The following GMPS variants were observed in gnomAD, a reference collection of about 807,000 sequenced individuals.
GMPS encodes guanosine monophosphate synthase.
A neutral mutation model predicts 77.9 loss-of-function variants in GMPS; 15 were observed. The ratio of observed to expected loss-of-function variants is 0.19; its 90% CI spans 0.13 to 0.30. GMPS has a LOEUF of 0.30. Among genes scored for constraint, GMPS ranks in the 10% least tolerant of loss-of-function variants. The pLI is 1.00. For synonymous variants in GMPS, 224 were observed against 275.9 expected (o/e 0.81, Z 1.86); for missense variants, 590 against 838.8 (o/e 0.70, Z 3.66).
chr3:155,900,458 C>A (rs1754709968), intron 3 of GMPS, among the ~76,000 whole-genome samples: 1 of 151,376 alleles, frequency 6.6e-6, no homozygotes, highest in South Asian at 2.1e-4. Flanking sequence ...TCATATAGCA[C>A]AACTTATAGT....
chr3:155,911,464 T>C (rs774385165), intron 7 of GMPS, among the ~76,000 whole-genome samples, 185 bp downstream of exon 7: 2 of 152,238 alleles, frequency 1.3e-5, no homozygotes, highest in Non-Finnish European at 2.9e-5. Context: ...CTATTGATTC[T>C]GCTAATTTAA....
chr3:155,931,974 G>A, intron 13 of GMPS, 94 bp downstream of exon 13: 1 of 632,884 alleles, frequency 1.6e-6, no homozygotes, highest in Non-Finnish European at 2.9e-6. Context: ...AGGCTCAAAT[G>A]TAGATATAGG....
At chr3:155,923,332 A>C (rs1357138619) in intron 11 of GMPS, among the ~76,000 whole-genome samples, 1 of 152,160 alleles carries the variant, frequency 6.6e-6, no homozygotes, top group Non-Finnish European at 1.5e-5. Context: ...AAAGGTTAAG[A>C]TGGAAGGATA....
rs58367815 is a variant in GMPS at position 155,886,611 on chromosome 3, C to CTTT, written c.28-6882_28-6880dup. On this transcript the variant is annotated intron_variant, in intron 1 of 15. Transcript: ENST00000496455. ...AATCTAGCATGTCTATTCCTGATGA[C>CTTT]TTTTTTTTTTTTTTTTTTTTTTTTT... is the stretch of plus-strand genomic sequence containing the variant. 3.7e-3 allele frequency among the ~76,000 whole-genome samples: 288 copies of CTTT among 78,050 alleles called. 28 individuals carry two copies. The highest frequency in any genetic ancestry group is 0.014 in the African/African-American group (257 of 18,656). The allele number at this position is 78,050 out of a possible 152,430, so 51.2% of individuals were successfully genotyped here. A position where few individuals can be genotyped will look rare whatever the true frequency, so the allele number is the denominator to read the frequency against.
chr3:155,881,838 G>A (rs1754213519), intron 1 of GMPS, among the ~76,000 whole-genome samples: 1 of 152,080 alleles, frequency 6.6e-6, no homozygotes, highest in African/African-American at 2.4e-5. Context: ...GGCTGAGGTG[G>A]GTATATCACT....
At chr3:155,875,841 T>G (rs1373429792) in intron 1 of GMPS, among the ~76,000 whole-genome samples, 1 of 152,170 alleles carries the variant, frequency 6.6e-6, no homozygotes, top group Non-Finnish European at 1.5e-5. Context: ...GGTGGACCCT[T>G]GCTATGGCTT....
In GMPS at chr3:155,911,178, A is replaced by G; in HGVS notation, c.785A>G (p.Gln262Arg). The G allele has an allele frequency of 6.2e-7, 1 of 1,613,168 alleles. No homozygotes were observed. Among genetic ancestry groups the G allele is most frequent in the Non-Finnish European group, 8.5e-7 (1 of 1,179,154 alleles). The change falls in exon 7 of 16, where the codon CAA (glutamine) becomes CGA (arginine). Residue 262 changes from glutamine (Q) to arginine (R), a missense_variant. Around this residue, in one of 6 missense-constraint regions of GMPS, gnomAD observed 181 missense variants for 186.8 expected, o/e 0.97. Transcript: ENST00000496455. ...GCTTTGCTAAATCGTGCTTTGAACCAAGAACAAGTCATTGCTGTGCACATT... is the reference window on the plus strand; with the variant it reads ...GCTTTGCTAAATCGTGCTTTGAACCGAGAACAAGTCATTGCTGTGCACATT... ...CTALLNRALN[Q>R]EQVIAVHIDN...
At chr3:155,878,208 G>T (rs1261387238) in intron 1 of GMPS, among the ~76,000 whole-genome samples, 3 of 152,126 alleles carry the variant, frequency 2.0e-5, no homozygotes, top group African/African-American at 7.2e-5. Flanking sequence ...ATTTTAGGGG[G>T]ACACAAACAT....
intron 8 of GMPS, among the ~76,000 whole-genome samples, chr3:155,915,769 C>G (rs918934085): frequency 5.9e-5 from 9 of 152,064 alleles, no homozygotes; most frequent in Non-Finnish European, 1.3e-4. Flanking sequence ...CTCCTGGCCT[C>G]AAGTGATCCA....
intron 1 of GMPS, among the ~76,000 whole-genome samples, chr3:155,879,878 C>A (rs1009654147): frequency 6.6e-6 from 1 of 151,660 alleles, no homozygotes; most frequent in Non-Finnish European, 1.5e-5. Context: ...TTTCAGGCGC[C>A]TGCCACCATG....
chr3:155,916,708 T>A (rs1011884483), intron 9 of GMPS, among the ~76,000 whole-genome samples: 1 of 152,218 alleles, frequency 6.6e-6, no homozygotes, highest in African/African-American at 2.4e-5. Flanking sequence ...TTGGCTGTTA[T>A]AAGTAATGCC....
At chr3:155,895,340 C>T (rs1034973827) in intron 2 of GMPS, 1 of 152,032 alleles carries the variant, frequency 6.6e-6, no homozygotes, top group Admixed American at 6.6e-5. Context: ...GAGTCTCACT[C>T]TGTCGCTCAG....
intron 1 of GMPS, among the ~76,000 whole-genome samples, chr3:155,882,614 A>G (rs993729033): frequency 6.6e-6 from 1 of 152,264 alleles, no homozygotes; most frequent in South Asian, 2.1e-4. Context: ...TGTAAAATAC[A>G]GTAAATTTCT....
At chr3:155,926,907 G>A (rs565148860) in intron 12 of GMPS, among the ~76,000 whole-genome samples, 3 of 152,128 alleles carry the variant, frequency 2.0e-5, no homozygotes, top group East Asian at 3.9e-4. Context: ...CCAGCTAGTC[G>A]GGAGGCTGAG....
upstream of GMPS, chr3:155,870,528 C>T: frequency 4.0e-6 from 1 of 249,456 alleles, no homozygotes; most frequent in East Asian, 6.1e-5. Context: ...CCGCGAGCCC[C>T]TCCTCTCGAG....
intron 11 of GMPS, among the ~76,000 whole-genome samples, chr3:155,924,030 G>A (rs1470521626): frequency 6.6e-6 from 1 of 152,212 alleles, no homozygotes; most frequent in Non-Finnish European, 1.5e-5. Flanking sequence ...ACAGGCATGT[G>A]CCATCACGCT....
intron 4 of GMPS, among the ~76,000 whole-genome samples, chr3:155,904,899 C>A (rs753312853): frequency 6.6e-6 from 1 of 152,326 alleles, no homozygotes; most frequent in South Asian, 2.1e-4. Flanking sequence ...TATTCCTAAA[C>A]AACAATGTCA....
chr3:155,911,565 G>T (rs886595636), intron 7 of GMPS, among the ~76,000 whole-genome samples: 1 of 152,006 alleles, frequency 6.6e-6, no homozygotes, highest in Non-Finnish European at 1.5e-5. Flanking sequence ...GGCCAGGCGC[G>T]GTGGCTCACG....
intron 1 of GMPS, among the ~76,000 whole-genome samples, chr3:155,874,135 AT>A (rs573503270): frequency 2.0e-4 from 31 of 152,242 alleles, no homozygotes; most frequent in African/African-American, 7.2e-4. Context: ...AAAACTTTTT[AT>A]TATGGCAGGG....
Sources: allele counts gnomAD v4.1 joint callset (sites outside exome capture counted in the v4.1 genomes callset), GRCh38; gene constraint gnomAD v4.1.1; regional missense constraint gnomAD v4.1.1; transcripts MANE v1.5; gene names NCBI Gene and HGNC (gene_info 2026-07-23, HGNC 2026-07-21).